Variants in COG5 observed in about 807,000 individuals in gnomAD.
COG5 encodes the protein component of oligomeric golgi complex 5, also known as conserved oligomeric Golgi complex subunit 5.
Under a neutral mutation model 110.4 loss-of-function variants are expected in COG5, and 86 were observed. The ratio of observed to expected loss-of-function variants is 0.78; its 90% CI spans 0.65 to 0.93. COG5 has a LOEUF of 0.93. Ranked by LOEUF, COG5 falls within the 40% of genes least tolerant of loss-of-function variation. The pLI, the probability that COG5 is intolerant of heterozygous loss-of-function variation, is 0.00. For missense variants in COG5, 1,077 were observed against 987.0 expected (o/e 1.09, Z -1.22); for synonymous variants, 360 against 334.6 (o/e 1.08, Z -0.83).
At position 107,319,052 on chromosome 7, in the gene COG5, C is replaced by A. The variant is rs544853184; in HGVS notation, c.1108+5388G>T. Among the ~76,000 whole-genome samples, 209 of 151,602 alleles carry A rather than the reference C, an allele frequency of 1.4e-3. 1 individual carries two copies. Among genetic ancestry groups the A allele is most frequent in the African/African-American group, 4.6e-3 (191 of 41,428 alleles). ...TTTAAGTTTGTTTTTAAATCTTGGT[C>A]CTTCATTCTGAATTATGTCTATGGC... On this transcript the variant is annotated intron_variant, in intron 11 of 21. Transcript: ENST00000297135.
At chr7:107,433,253 G>C (rs1436155362) in intron 6 of COG5, among the ~76,000 whole-genome samples, 1 of 152,160 alleles carries the variant, frequency 6.6e-6, no homozygotes, top group Admixed American at 6.5e-5. Context: ...TTGTTAAGAT[G>C]TCAATACTAC....
chr7:107,319,995 A>C (rs572208960), intron 11 of COG5, among the ~76,000 whole-genome samples: 6 of 152,300 alleles, frequency 3.9e-5, no homozygotes, highest in South Asian at 4.1e-4. Context: ...ACAACAACAA[A>C]AAAAACTGAA....
At chr7:107,461,282 A>T (rs938542239) in intron 6 of COG5, among the ~76,000 whole-genome samples, 5 of 152,190 alleles carry the variant, frequency 3.3e-5, no homozygotes, top group African/African-American at 1.2e-4. Flanking sequence ...TTGGCTTAAC[A>T]TTAAAAAAAC....
Position 107,298,350 on chromosome 7 carries a change from C to T in COG5, c.1109-4G>A. The T allele has an allele frequency of 6.2e-7, 1 of 1,607,524 alleles. No homozygotes were observed. The highest frequency in any genetic ancestry group is 8.5e-7 in the Non-Finnish European group (1 of 1,174,790). The stretch of plus-strand genomic sequence containing the variant: ...GCCTGCTTCAAAAACATCGAAGCTG[C>T]CAAGCAAAACAAGAACATGAATTAG... On this transcript the variant is annotated splice_polypyrimidine_tract_variant and splice_region_variant and intron_variant, in intron 11 of 21. Transcript: ENST00000297135.
At chr7:107,234,113 A>C (rs1584551546) in intron 18 of COG5, among the ~76,000 whole-genome samples, 1 of 152,186 alleles carries the variant, frequency 6.6e-6, no homozygotes, top group Non-Finnish European at 1.5e-5. Flanking sequence ...GAGTGTCAGG[A>C]TGTTTTGAAA....
chr7:107,265,851 T>C (rs1265584798), intron 14 of COG5, among the ~76,000 whole-genome samples: 1 of 152,032 alleles, frequency 6.6e-6, no homozygotes, highest in African/African-American at 2.4e-5. Flanking sequence ...GCTCAGAAGT[T>C]TGAGACCAAC....
At chr7:107,392,306 T>C (rs1247620910) in intron 7 of COG5, among the ~76,000 whole-genome samples, 1 of 152,168 alleles carries the variant, frequency 6.6e-6, no homozygotes, top group Non-Finnish European at 1.5e-5. Context: ...GCTCCTATTA[T>C]GAACCAGGCA....
intron 10 of COG5, among the ~76,000 whole-genome samples, chr7:107,325,157 C>T (rs1322726878): frequency 6.6e-6 from 1 of 151,984 alleles, no homozygotes; most frequent in Admixed American, 6.6e-5. Flanking sequence ...AAAGTAAGCA[C>T]TATAAAGAAA....
intron 6 of COG5, among the ~76,000 whole-genome samples, chr7:107,510,669 G>A (rs953241343): frequency 2.6e-5 from 4 of 151,658 alleles, no homozygotes; most frequent in Non-Finnish European, 5.9e-5. Flanking sequence ...CTCAGCAAAT[G>A]TAAACAGAAA....
At chr7:107,489,855 G>A (rs952867629) in intron 6 of COG5, among the ~76,000 whole-genome samples, 6 of 152,022 alleles carry the variant, frequency 3.9e-5, no homozygotes, top group East Asian at 1.9e-4. Context: ...TGTGTGATCC[G>A]GGAACGCTAT....
intron 6 of COG5, among the ~76,000 whole-genome samples, chr7:107,521,596 C>T (rs1800321460): frequency 1.3e-5 from 2 of 152,184 alleles, no homozygotes. Context: ...GAGATACCAC[C>T]TCACGCCAAT....
At chr7:107,400,089 A>C (rs1791314117) in intron 7 of COG5, among the ~76,000 whole-genome samples, 1 of 152,212 alleles carries the variant, frequency 6.6e-6, no homozygotes, top group Non-Finnish European at 1.5e-5. Flanking sequence ...TGAAAATATA[A>C]GCTGAAACTA....
intron 6 of COG5, among the ~76,000 whole-genome samples, chr7:107,510,914 T>C (rs1799450859): frequency 6.6e-6 from 1 of 152,174 alleles, no homozygotes. Flanking sequence ...GGGAAATTTA[T>C]AGCACTAAAT....
intron 6 of COG5, among the ~76,000 whole-genome samples, chr7:107,498,676 T>A (rs554473439): frequency 5.9e-5 from 9 of 152,144 alleles, no homozygotes; most frequent in Non-Finnish European, 1.2e-4. Flanking sequence ...GAAATTGGAA[T>A]CGTTTTACAC....
At chr7:107,419,259 T>G (rs941577563) in intron 6 of COG5, among the ~76,000 whole-genome samples, 4 of 152,112 alleles carry the variant, frequency 2.6e-5, no homozygotes, top group Non-Finnish European at 5.9e-5. Context: ...AATGTGGGCT[T>G]AAAATTTTAA....
At chr7:107,412,697 ATATG>A (rs1450380486) in intron 6 of COG5, 65 bp from the exon 7 acceptor site, 1 of 1,003,028 alleles carries the variant, frequency 1.0e-6, no homozygotes, top group African/African-American at 1.6e-5. Context: ...AGGTATCAAA[ATATG>A]TATAACTTCT....
chr7:107,302,492 T>C (rs1807352711), intron 11 of COG5, among the ~76,000 whole-genome samples: 1 of 152,138 alleles, frequency 6.6e-6, no homozygotes, highest in South Asian at 2.1e-4. Flanking sequence ...TCAAAACATA[T>C]CAAATTGTAT....
At chr7:107,396,691 A>C (rs1791041925) in intron 7 of COG5, among the ~76,000 whole-genome samples, 2 of 152,194 alleles carry the variant, frequency 1.3e-5, no homozygotes, top group African/African-American at 4.8e-5. Flanking sequence ...GAGCTATTTT[A>C]ATTTCTCAAT....
At chr7:107,216,086 T>A (rs568625248) in intron 19 of COG5, among the ~76,000 whole-genome samples, 109 of 152,034 alleles carry the variant, frequency 7.2e-4, no homozygotes, top group African/African-American at 2.5e-3. Flanking sequence ...AAATGGAAAC[T>A]GAGAGAGGCA....
Sources: allele counts gnomAD v4.1 joint callset (sites outside exome capture counted in the v4.1 genomes callset), GRCh38; gene constraint gnomAD v4.1.1; transcripts MANE v1.5; gene names NCBI Gene and HGNC (gene_info 2026-07-23, HGNC 2026-07-21).